Variants in ABHD3 observed in about 807,000 individuals in gnomAD.
The protein encoded by ABHD3 is abhydrolase domain containing 3, phospholipase, also known as phospholipase ABHD3.
ABHD3 carries 46 observed loss-of-function variants against 48.8 expected under a neutral mutation model. That is an observed-to-expected ratio of 0.94 (90% CI 0.74 to 1.20). The LOEUF (loss-of-function observed/expected upper bound fraction) is 1.20, where lower values mean the gene tolerates loss of function less well. Among genes scored for constraint, ABHD3 ranks in the 50% most tolerant of loss-of-function variants. The probability of loss-of-function intolerance (pLI) is 0.00; values close to 1 mark genes in which losing one functional copy is unlikely to be tolerated. For synonymous variants in ABHD3, 192 were observed against 183.7 expected (o/e 1.04, Z -0.36); for missense variants, 490 against 497.8 (o/e 0.98, Z 0.15).
intron 4 of ABHD3, among the ~76,000 whole-genome samples, chr18:21,678,679 G>A (rs2039942013): frequency 6.6e-6 from 1 of 152,056 alleles, no homozygotes; most frequent in Non-Finnish European, 1.5e-5. Context: ...GAATTTGTGG[G>A]TAGCTTGGAT....
chr18:21,701,115 GCTAT>G (rs571762247), intron 3 of ABHD3, among the ~76,000 whole-genome samples: 65 of 152,016 alleles, frequency 4.3e-4, no homozygotes, highest in African/African-American at 1.4e-3. Context: ...GACAAAATAG[GCTAT>G]TATTTATAAA....
chr18:21,651,649 TC>T lies in ABHD3; in HGVS notation c.1171del (p.Asp391IlefsTer22), dbSNP rs1568132387. The T allele has an allele frequency of 6.2e-7, 1 of 1,614,046 alleles. No individual in the cohort carries two copies. Among genetic ancestry groups the T allele is most frequent in the East Asian group, 2.2e-5 (1 of 44,868 alleles). On this transcript the variant is annotated frameshift_variant, in exon 9 of 9. Transcript: ENST00000289119. LOFTEE classifies it high-confidence loss of function. ...GIWPRQSTYM[D>X]RVFKQFVQAM... ...TTGCACAAATTGCTTGAAGACACGA[TC>T]CATGTAAGTGGACTGTCTTGGCCAG...
At chr18:21,668,593 A>C (rs1407667277) in intron 4 of ABHD3, among the ~76,000 whole-genome samples, 2 of 152,182 alleles carry the variant, frequency 1.3e-5, no homozygotes, top group East Asian at 3.8e-4. Flanking sequence ...AGGTTGAGTA[A>C]TTTGCCAAAG....
At chr18:21,654,673 A>C (rs2039304112) in intron 8 of ABHD3, among the ~76,000 whole-genome samples, 1 of 152,236 alleles carries the variant, frequency 6.6e-6, no homozygotes, top group Non-Finnish European at 1.5e-5. Flanking sequence ...TCAAGAGCCT[A>C]AACTTCACAC....
intron 8 of ABHD3, among the ~76,000 whole-genome samples, chr18:21,653,659 G>A (rs1030110812): frequency 6.6e-6 from 1 of 151,372 alleles, no homozygotes; most frequent in Admixed American, 6.6e-5. Context: ...CAGCACTTTG[G>A]GGGGATCTCT....
intron 3 of ABHD3, among the ~76,000 whole-genome samples, chr18:21,695,843 C>G (rs768837167): frequency 6.6e-6 from 1 of 152,184 alleles, no homozygotes; most frequent in Non-Finnish European, 1.5e-5. Flanking sequence ...TGCTGCTGCA[C>G]AGTCTTTGCC....
intron 3 of ABHD3, among the ~76,000 whole-genome samples, chr18:21,695,741 C>T (rs770140157): frequency 1.3e-5 from 2 of 152,176 alleles, no homozygotes; most frequent in Non-Finnish European, 2.9e-5. Flanking sequence ...TAGATTTTTA[C>T]ATGAGAGAAA....
intron 4 of ABHD3, chr18:21,664,607 AC>A (rs985661434): frequency 1.2e-5 from 2 of 162,910 alleles, no homozygotes; most frequent in Non-Finnish European, 2.6e-5. Flanking sequence ...AACAACCTGT[AC>A]CCTCAAAGAC....
intron 4 of ABHD3, among the ~76,000 whole-genome samples, chr18:21,667,781 T>G (rs764431848): frequency 6.6e-6 from 1 of 152,058 alleles, no homozygotes; most frequent in Non-Finnish European, 1.5e-5. Context: ...GTTAAATAAC[T>G]CCTGTAACAT....
At chr18:21,656,765 G>A in intron 8 of ABHD3, 96 bp downstream of exon 8, 1 of 1,185,198 alleles carries the variant, frequency 8.4e-7, no homozygotes, top group East Asian at 2.6e-5. Context: ...TATCATAATG[G>A]AAATGACACA....
intron 4 of ABHD3, among the ~76,000 whole-genome samples, chr18:21,676,699 G>C (rs1243889068): frequency 6.6e-6 from 1 of 152,134 alleles, no homozygotes; most frequent in Non-Finnish European, 1.5e-5. Context: ...CCTTAAGTTG[G>C]CTGACATTCT....
At position 21,663,981 on chromosome 18, in the gene ABHD3, C is replaced by T. The variant is rs994594803; in HGVS notation, c.668+137G>A. 11 of 1,431,266 alleles carry T rather than the reference C, an allele frequency of 7.7e-6. No individual in the cohort carries two copies. The African/African-American group carries it at 1.4e-4, about 19-fold the overall frequency. The allele number at this position is 1,431,266 out of a possible 1,614,324, so 88.7% of individuals were successfully genotyped here. On this transcript the variant is annotated intron_variant, in intron 5 of 8. Transcript: ENST00000289119. ...CTTCCTTCGTTCATTCAATCAACCG[C>T]ATTTAATAAAATATGATAAACATAA...
chr18:21,652,320 C>T (rs989039902), intron 8 of ABHD3, among the ~76,000 whole-genome samples: 1 of 149,912 alleles, frequency 6.7e-6, no homozygotes, highest in Non-Finnish European at 1.5e-5. Flanking sequence ...TAGTGAGACC[C>T]CATCTTGAAA....
chr18:21,666,761 T>C (rs1463930545), intron 4 of ABHD3, among the ~76,000 whole-genome samples: 1 of 152,210 alleles, frequency 6.6e-6, no homozygotes, highest in South Asian at 2.1e-4. Context: ...ACACATGGTT[T>C]TCATGTGAAT....
intron 3 of ABHD3, among the ~76,000 whole-genome samples, chr18:21,693,879 G>A (rs1022646319): frequency 6.6e-6 from 1 of 152,058 alleles, no homozygotes; most frequent in Non-Finnish European, 1.5e-5. Flanking sequence ...GGAAAGCGTG[G>A]TCAGAACTAA....
rs2039361122 is a variant in ABHD3, at chr18:21,656,792, T to C, written c.1057+69A>G. 4.4e-6 allele frequency: 6 copies of C among 1,359,142 alleles called. No individual in the cohort carries two copies. In the African/African-American group the frequency reaches 4.5e-5, roughly 10 times the overall value. 84.2% of individuals were successfully genotyped at this position (1,359,142 alleles called of 1,614,324 possible). ...AATGACACATTTTCTTATTACTATATTTCCTTAAAAATAACAATATATTAA... is the reference window on the plus strand; with the variant it reads ...AATGACACATTTTCTTATTACTATACTTCCTTAAAAATAACAATATATTAA... On this transcript the variant is annotated intron_variant, in intron 8 of 8. Coordinates refer to ENST00000289119, the MANE Select transcript of ABHD3 (RefSeq NM_138340.5).
At chr18:21,651,821 C>T (rs2039229645) in intron 8 of ABHD3, 58 bp from the exon 9 acceptor site, 1 of 1,440,438 alleles carries the variant, frequency 6.9e-7, no homozygotes, top group Non-Finnish European at 9.3e-7. Flanking sequence ...AAAATATAAT[C>T]ATTATGTTTT....
At chr18:21,673,883 G>A (rs751085756) in intron 4 of ABHD3, among the ~76,000 whole-genome samples, 1 of 152,214 alleles carries the variant, frequency 6.6e-6, no homozygotes, top group Non-Finnish European at 1.5e-5. Flanking sequence ...GGGATTATAA[G>A]TGTGAGCCAT....
At chr18:21,697,530 C>A (rs2040400207) in intron 3 of ABHD3, among the ~76,000 whole-genome samples, 1 of 152,142 alleles carries the variant, frequency 6.6e-6, no homozygotes, top group Non-Finnish European at 1.5e-5. Flanking sequence ...CAGGTGCATG[C>A]CATGATGCCC....
Sources: gnomAD v4.1 joint callset for allele counts (sites outside exome capture counted in the v4.1 genomes callset) on GRCh38, gnomAD v4.1.1 for gene constraint, MANE v1.5 for transcripts, NCBI Gene and HGNC (gene_info 2026-07-23, HGNC 2026-07-21) for gene names.